The following FAM53B variants were observed in gnomAD, a reference collection of about 807,000 sequenced individuals.
The protein encoded by FAM53B is family with sequence similarity 53 member B, also known as protein FAM53B.
Under a neutral mutation model 32.7 loss-of-function variants are expected in FAM53B, and 12 were observed. The ratio of observed to expected loss-of-function variants is 0.37; its 90% CI spans 0.24 to 0.59. FAM53B has a LOEUF of 0.59. Ranked by LOEUF, FAM53B falls within the 20% of genes least tolerant of loss-of-function variation. The pLI, the probability that FAM53B is intolerant of heterozygous loss-of-function variation, is 0.72. For missense variants in FAM53B, 477 were observed against 577.7 expected, an observed-to-expected ratio of 0.83 and a Z score of 1.79; for synonymous variants, 234 against 228.7, an observed-to-expected ratio of 1.02 and a Z score of -0.21.
chr10:124,706,727 G>A lies in FAM53B; in HGVS notation c.-14C>T. 6.2e-7 allele frequency: 1 copy of A among 1,614,068 alleles called. No individual in the cohort carries two copies. Among genetic ancestry groups the A allele is most frequent in the South Asian group, 1.1e-5 (1 of 91,076 alleles). On this transcript the variant is annotated 5_prime_UTR_variant, in exon 2 of 5. Transcript: ENST00000337318. ...GACCATCACCATGATAAGGGCCTCA[G>A]GCGCTGGGCTCCATCCCAGGGTGGG... is the stretch of plus-strand genomic sequence containing the variant.
At chr10:124,630,629 C>T (rs913560080) in intron 4 of FAM53B, among the ~76,000 whole-genome samples, 8 of 152,180 alleles carry the variant, frequency 5.3e-5, no homozygotes, top group African/African-American at 1.9e-4. Flanking sequence ...GAAGGTACTC[C>T]AGGGCCCTGG....
At chr10:124,631,601 C>G (rs542075597) in intron 4 of FAM53B, among the ~76,000 whole-genome samples, 1 of 152,224 alleles carries the variant, frequency 6.6e-6, no homozygotes, top group African/African-American at 2.4e-5. Context: ...AAACCCGCCA[C>G]GCAGGCCAGA....
intron 4 of FAM53B, among the ~76,000 whole-genome samples, chr10:124,625,022 C>T (rs1949337252): frequency 6.6e-6 from 1 of 152,208 alleles, no homozygotes; most frequent in African/African-American, 2.4e-5. Context: ...CCTTGGAGCA[C>T]CCGCCGCCTC....
intron 4 of FAM53B, among the ~76,000 whole-genome samples, chr10:124,656,412 G>A (rs1053933513): frequency 6.6e-6 from 1 of 152,228 alleles, no homozygotes; most frequent in African/African-American, 2.4e-5. Context: ...TGGGTACAAT[G>A]CCACAGTGAA....
chr10:124,652,133 G>A (rs1161984908), intron 4 of FAM53B, among the ~76,000 whole-genome samples: 1 of 152,094 alleles, frequency 6.6e-6, no homozygotes, highest in African/African-American at 2.4e-5. Flanking sequence ...CTTCCACTTG[G>A]GTCCCAAGAC....
At chr10:124,732,639 A>C (rs1254422497) in intron 1 of FAM53B, among the ~76,000 whole-genome samples, 5 of 152,150 alleles carry the variant, frequency 3.3e-5, no homozygotes, top group Admixed American at 2.0e-4. Flanking sequence ...CGGGGGCATC[A>C]CCTGAGGTCC....
intron 1 of FAM53B, among the ~76,000 whole-genome samples, chr10:124,711,810 G>C (rs1950005803): frequency 1.3e-5 from 2 of 152,046 alleles, no homozygotes; most frequent in African/African-American, 4.8e-5. Flanking sequence ...CCCAGCATTT[G>C]AGAGGTTGAG....
chr10:124,739,729 C>G (rs1311441849), intron 1 of FAM53B, among the ~76,000 whole-genome samples: 1 of 152,118 alleles, frequency 6.6e-6, no homozygotes, highest in South Asian at 2.1e-4. Flanking sequence ...CCAGCTTCCC[C>G]GTGCAGCCCC....
At chr10:124,695,465 G>A (rs1186015557) in intron 3 of FAM53B, among the ~76,000 whole-genome samples, 1 of 152,176 alleles carries the variant, frequency 6.6e-6, no homozygotes, top group Non-Finnish European at 1.5e-5. Context: ...CCTTAAAAAT[G>A]TCCCTGCCCT....
intron 1 of FAM53B, among the ~76,000 whole-genome samples, chr10:124,719,047 T>A (rs201759926): frequency 4.0e-5 from 6 of 148,872 alleles, no homozygotes; most frequent in Non-Finnish European, 6.0e-5. Flanking sequence ...ACAAAAAAAA[T>A]AAAAAAAAAG....
chr10:124,638,764 CCAG>C (rs576537813), intron 4 of FAM53B, among the ~76,000 whole-genome samples: 18 of 152,362 alleles, frequency 1.2e-4, no homozygotes, highest in South Asian at 2.1e-4. Context: ...AGGTGGCAGA[CCAG>C]CAAGGCTTGG....
chr10:124,687,311 T>C (rs1488800132), intron 3 of FAM53B, among the ~76,000 whole-genome samples: 1 of 151,846 alleles, frequency 6.6e-6, no homozygotes, highest in African/African-American at 2.4e-5. Flanking sequence ...ATATCACTTC[T>C]GCACAAACAA....
intron 4 of FAM53B, among the ~76,000 whole-genome samples, chr10:124,659,104 C>A (rs900005481): frequency 6.6e-6 from 1 of 152,214 alleles, no homozygotes; most frequent in African/African-American, 2.4e-5. Context: ...CGTGCACCCA[C>A]CCCTTCTGCC....
intron 1 of FAM53B, among the ~76,000 whole-genome samples, chr10:124,711,738 A>G (rs1420477395): frequency 6.6e-6 from 1 of 152,134 alleles, no homozygotes; most frequent in Non-Finnish European, 1.5e-5. Flanking sequence ...AAATCACTCG[A>G]CTTCAGTTTC....
intron 4 of FAM53B, among the ~76,000 whole-genome samples, chr10:124,625,584 G>T (rs1419860697): frequency 6.6e-6 from 1 of 152,080 alleles, no homozygotes; most frequent in Admixed American, 6.5e-5. Flanking sequence ...CAGGATCCTC[G>T]CCTGCCCCTG....
At position 124,651,033 on chromosome 10, in the gene FAM53B, T is replaced by C. The variant is rs1455187750; in HGVS notation, c.907-27429A>G. On this transcript the variant is annotated intron_variant, in intron 4 of 4. Coordinates refer to ENST00000337318, the MANE Select transcript of FAM53B (RefSeq NM_014661.4). The surrounding 1 kb of genome is among the most constrained non-coding windows in gnomAD (Gnocchi z 5.2). Reference sequence around the variant, plus strand: ...ACGCCAGACACTGGGAGCCCCCCAATCTCCCTTCAGAGGCCACTTCCTGCC... The same window carrying C: ...ACGCCAGACACTGGGAGCCCCCCAACCTCCCTTCAGAGGCCACTTCCTGCC... Among the ~76,000 whole-genome samples the C allele has an allele frequency of 6.7e-6, 1 of 149,062 alleles. No individual in the cohort carries two copies. The highest frequency in any genetic ancestry group is 1.5e-5 in the Non-Finnish European group (1 of 67,608).
intron 1 of FAM53B, among the ~76,000 whole-genome samples, chr10:124,730,843 G>A (rs1293165923): frequency 1.3e-5 from 2 of 152,198 alleles, no homozygotes; most frequent in East Asian, 1.9e-4. Flanking sequence ...TGGAGAAGAG[G>A]TCAGCACATT....
chr10:124,658,966 C>T (rs374938468), intron 4 of FAM53B, among the ~76,000 whole-genome samples: 1 of 152,204 alleles, frequency 6.6e-6, no homozygotes, highest in Non-Finnish European at 1.5e-5. Flanking sequence ...GGCACCATGG[C>T]CCTAGGTGAG....
intron 2 of FAM53B, among the ~76,000 whole-genome samples, chr10:124,706,210 A>T (rs1397428671): frequency 1.3e-5 from 2 of 152,004 alleles, no homozygotes; most frequent in Non-Finnish European, 2.9e-5. Context: ...TTCTTTCCCC[A>T]TCATCTCCCA....
Sources: gnomAD v4.1 joint callset for allele counts (sites outside exome capture counted in the v4.1 genomes callset) on GRCh38, gnomAD v4.1.1 for gene constraint, Gnocchi (gnomAD v3.1) non-coding constraint, MANE v1.5 for transcripts, NCBI Gene and HGNC (gene_info 2026-07-23, HGNC 2026-07-21) for gene names.